Variants in RAB5A observed in about 807,000 individuals in gnomAD.
RAB5A encodes RAB5A, member RAS oncogene family.
Under a neutral mutation model 25.7 loss-of-function variants are expected in RAB5A, and 8 were observed. The ratio of observed to expected loss-of-function variants is 0.31; its 90% CI spans 0.18 to 0.56. RAB5A has a LOEUF of 0.56. Among genes scored for constraint, RAB5A ranks in the 20% least tolerant of loss-of-function variants. RAB5A has a pLI of 0.91. For missense variants in RAB5A, 192 were observed against 259.7 expected (o/e 0.74, Z 1.79); for synonymous variants, 98 against 89.8 (o/e 1.09, Z -0.52).
intron 2 of RAB5A, among the ~76,000 whole-genome samples, chr3:19,973,258 C>A (rs1245400129): frequency 6.6e-6 from 1 of 152,062 alleles, no homozygotes; most frequent in Non-Finnish European, 1.5e-5. Context: ...TGAGGGATGA[C>A]TATAGTTATT....
At chr3:19,951,701 G>GTTT (rs61250458) in intron 2 of RAB5A, among the ~76,000 whole-genome samples, 8 of 99,014 alleles carry the variant, frequency 8.1e-5, no homozygotes, top group Non-Finnish European at 1.2e-4. Context: ...TGCCAGGCAA[G>GTTT]TTTTTTTTTT....
At chr3:19,975,817 G>T in intron 3 of RAB5A, 65 bp downstream of exon 3, 1 of 1,480,242 alleles carries the variant, frequency 6.8e-7, no homozygotes, top group Middle Eastern at 1.8e-4. Context: ...TCAGAATTTT[G>T]ATTAAATGTT....
intron 4 of RAB5A, among the ~76,000 whole-genome samples, chr3:19,977,946 A>G (rs1198995842): frequency 6.6e-6 from 1 of 152,220 alleles, no homozygotes; most frequent in Non-Finnish European, 1.5e-5. Context: ...CTTTGTCTTC[A>G]TTGCAGACAG....
Position 19,975,620 on chromosome 3 carries a change from T to G in RAB5A, c.183T>G (p.Thr61=). The change falls in exon 3 of 6, where the codon ACT becomes ACG. Residue 61 remains threonine, a synonymous_variant. Coordinates refer to ENST00000273047, the MANE Select transcript of RAB5A (RefSeq NM_004162.5). ...TTTCAGCTGCTTTTCTAACCCAAAC[T>G]GTATGTCTTGATGACACTACAGTAA... is the stretch of plus-strand genomic sequence containing the variant. ...STIGAAFLTQ[T]VCLDDTTVKF... is the part of the protein sequence containing the mutation. 1 of 1,612,432 alleles carries G rather than the reference T, an allele frequency of 6.2e-7. No individual in the cohort carries two copies. Among genetic ancestry groups the G allele is most frequent in the Non-Finnish European group, 8.5e-7 (1 of 1,179,602 alleles).
At chr3:19,957,856 T>G (rs1157163519) in intron 2 of RAB5A, among the ~76,000 whole-genome samples, 2 of 152,102 alleles carry the variant, frequency 1.3e-5, no homozygotes, top group Admixed American at 6.5e-5. Context: ...TGTAAATACA[T>G]AACGATTTTT....
chr3:19,953,704 G>A (rs1361633622), intron 2 of RAB5A, among the ~76,000 whole-genome samples: 1 of 151,930 alleles, frequency 6.6e-6, no homozygotes, highest in African/African-American at 2.4e-5. Flanking sequence ...CACTGCCCCT[G>A]GCCCAACTTT....
At chr3:19,971,756 G>A (rs1696755711) in intron 2 of RAB5A, among the ~76,000 whole-genome samples, 1 of 152,094 alleles carries the variant, frequency 6.6e-6, no homozygotes, top group African/African-American at 2.4e-5. Flanking sequence ...ATTACAGGTG[G>A]AAGCCACCGC....
intron 4 of RAB5A, among the ~76,000 whole-genome samples, chr3:19,977,386 T>A (rs1408448613): frequency 6.6e-6 from 1 of 152,206 alleles, no homozygotes; most frequent in Non-Finnish European, 1.5e-5. Context: ...CTTAGACCTT[T>A]TAAAACTGTG....
chr3:19,969,935 C>G lies in RAB5A; in HGVS notation c.164-5666C>G, dbSNP rs182348204. ...TCTTCTGCCTCAGTCTCCTGAGTAG[C>G]TGGGATTACAGGCTCATGCCACCAT... is the stretch of plus-strand genomic sequence containing the variant. On this transcript the variant is annotated intron_variant, in intron 2 of 5. Transcript: ENST00000273047. 2.2e-3 allele frequency among the ~76,000 whole-genome samples: 331 copies of G among 152,288 alleles called. 6 individuals carry two copies. The highest frequency in any genetic ancestry group is 0.02 in the Admixed American group (313 of 15,294).
At chr3:19,977,024 A>T (rs1020945355) in intron 4 of RAB5A, among the ~76,000 whole-genome samples, 4 of 152,226 alleles carry the variant, frequency 2.6e-5, no homozygotes, top group Non-Finnish European at 5.9e-5. Context: ...TGCTGCTGCA[A>T]AATAGGCAAG....
intron 2 of RAB5A, among the ~76,000 whole-genome samples, chr3:19,969,036 T>TTTG (rs1553639270): frequency 3.5e-4 from 26 of 74,360 alleles, no homozygotes; most frequent in African/African-American, 2.7e-3. Context: ...TTTTGGTTTT[T>TTTG]TTTTTTTGGT....
At chr3:19,957,189 A>G (rs1047900265) in intron 2 of RAB5A, among the ~76,000 whole-genome samples, 2 of 151,802 alleles carry the variant, frequency 1.3e-5, no homozygotes, top group Non-Finnish European at 2.9e-5. Context: ...TCAGCCTCCC[A>G]AGGTGCTGGG....
chr3:19,969,362 A>G (rs1265940042), intron 2 of RAB5A, among the ~76,000 whole-genome samples: 1 of 151,904 alleles, frequency 6.6e-6, no homozygotes, highest in Admixed American at 6.6e-5. Flanking sequence ...TTTTTTCATT[A>G]TGCTAATTTA....
intron 2 of RAB5A, among the ~76,000 whole-genome samples, chr3:19,968,968 C>T (rs143103680): frequency 2.6e-5 from 4 of 151,268 alleles, no homozygotes; most frequent in African/African-American, 9.7e-5. Context: ...TCCTTTCCAA[C>T]GGAGTTGTAC....
chr3:19,951,190 T>C, intron 2 of RAB5A, 129 bp downstream of exon 2: 1 of 1,044,046 alleles, frequency 9.6e-7, no homozygotes, highest in Non-Finnish European at 1.3e-6. Flanking sequence ...CTGTTCAGCT[T>C]ACCTTAGCTT....
At chr3:19,970,647 G>A (rs944919816) in intron 2 of RAB5A, 11 of 452,350 alleles carry the variant, frequency 2.4e-5, no homozygotes, top group African/African-American at 1.2e-4. Context: ...AAAATGAAGC[G>A]GTCTAAGAGT....
At chr3:19,981,279 C>T (rs764191243) in intron 5 of RAB5A, among the ~76,000 whole-genome samples, 5 of 152,140 alleles carry the variant, frequency 3.3e-5, no homozygotes, top group African/African-American at 4.8e-5. Flanking sequence ...TAACTTACTA[C>T]GGGATTACAT....
At chr3:19,968,604 A>C (rs1043585543) in intron 2 of RAB5A, among the ~76,000 whole-genome samples, 2 of 152,120 alleles carry the variant, frequency 1.3e-5, no homozygotes, top group Admixed American at 1.3e-4. Flanking sequence ...TACTACAGGC[A>C]CGTGCCACCA....
chr3:19,971,144 C>A (rs1019393757), intron 2 of RAB5A, among the ~76,000 whole-genome samples: 9 of 145,536 alleles, frequency 6.2e-5, no homozygotes, highest in Admixed American at 1.4e-4. Flanking sequence ...TTTCAGTGAG[C>A]CGAGATCGCG....
Sources: allele counts gnomAD v4.1 joint callset (sites outside exome capture counted in the v4.1 genomes callset), GRCh38; gene constraint gnomAD v4.1.1; transcripts MANE v1.5; gene names NCBI Gene and HGNC (gene_info 2026-07-23, HGNC 2026-07-21).